The following DNAH8 variants were observed in gnomAD, a reference collection of about 807,000 sequenced individuals.
DNAH8 encodes the protein axonemal beta dynein heavy chain 8.
A neutral mutation model predicts 562.1 loss-of-function variants in DNAH8; 382 were observed. That is an observed-to-expected ratio of 0.68 (90% CI 0.63 to 0.74). DNAH8 has a LOEUF of 0.74. Ranked by LOEUF, DNAH8 falls within the 30% of genes least tolerant of loss-of-function variation. The pLI, the probability that DNAH8 is intolerant of heterozygous loss-of-function variation, is 0.00. For synonymous variants in DNAH8, 1,881 were observed against 1,919.4 expected (o/e 0.98, Z 0.52); for missense variants, 5,203 against 5,620.4 (o/e 0.93, Z 2.37).
In DNAH8 at chr6:38,917,912, T is replaced by C. The variant is rs771259805; in HGVS notation, c.10309-13T>C. 6.3e-7 allele frequency: 1 copy of C among 1,592,926 alleles called. No homozygotes were observed. Among genetic ancestry groups the C allele is most frequent in the African/African-American group, 1.3e-5 (1 of 74,288 alleles). On this transcript the variant is annotated splice_polypyrimidine_tract_variant and intron_variant, in intron 69 of 92. Transcript: ENST00000327475. ...TTCTTCCAGAACTTACAGGTTATAATACTATTTTTCAGTTGATGAGTGCAA... is the reference window on the plus strand; with the variant it reads ...TTCTTCCAGAACTTACAGGTTATAACACTATTTTTCAGTTGATGAGTGCAA...
Position 38,737,987 on chromosome 6 carries a change from A to T in DNAH8, c.1116+15A>T. 6.2e-7 allele frequency: 1 copy of T among 1,607,448 alleles called. No individual in the cohort carries two copies. Among genetic ancestry groups the T allele is most frequent in the Non-Finnish European group, 8.5e-7 (1 of 1,176,630 alleles). ...AGATCGAACAGGTGAATTGACTCAA[A>T]CAATTGCATCTGGACTAGTAGTTTT... On this transcript the variant is annotated intron_variant, in intron 7 of 92. Transcript: ENST00000327475.
At chr6:38,948,233 AG>A (rs1761593019) in intron 80 of DNAH8, among the ~76,000 whole-genome samples, 1 of 152,258 alleles carries the variant, frequency 6.6e-6, no homozygotes, top group South Asian at 2.1e-4. Context: ...GGGGTCATAG[AG>A]GAAAAAGTGT....
rs753745756 is a variant in DNAH8 at position 38,848,731 on chromosome 6, T to A, written c.5129T>A (p.Val1710Glu). ...TCAGATATAATTGAAGAGTGGCTCG[T>A]AGTACAGAACCTTTGGGTTTATCTT... ...TSSDIIEEWL[V>E]VQNLWVYLEA... Residue 1710 changes from valine (V) to glutamate (E), a missense_variant, in exon 37 of 93, where the codon GTA (valine) becomes GAA (glutamate). Physicochemically the swap from Val to Glu is moderately radical, Grantham distance 121. Around this residue, in one of 6 missense-constraint regions of DNAH8, gnomAD observed 2,176 missense variants for 2,365.1 expected, o/e 0.92. Coordinates refer to ENST00000327475, the MANE Select transcript of DNAH8 (RefSeq NM_001206927.2). The A allele has an allele frequency of 1.9e-6, 3 of 1,613,134 alleles. No individual in the cohort carries two copies. In the African/African-American group the frequency reaches 4.0e-5, roughly 22 times the overall value.
At position 38,803,323 on chromosome 6, in the gene DNAH8, C is replaced by T. The variant is rs778878961; in HGVS notation, c.3034+12C>T. ...AGGAAAACAGTCAGGTAACTTTTCTCGTTACTGTGTTTGAATTACAAGATC... is the reference window on the plus strand; with the variant it reads ...AGGAAAACAGTCAGGTAACTTTTCTTGTTACTGTGTTTGAATTACAAGATC... On this transcript the variant is annotated intron_variant, in intron 22 of 92. Transcript: ENST00000327475. The T allele has an allele frequency of 1.9e-5, 31 of 1,589,884 alleles. No individual in the cohort carries two copies. The East Asian group carries it at 2.5e-4, about 13-fold the overall frequency.
At chr6:38,750,413 G>C in intron 8 of DNAH8, 63 bp from the exon 9 acceptor site, 1 of 1,077,152 alleles carries the variant, frequency 9.3e-7, no homozygotes, top group Non-Finnish European at 1.4e-6. Context: ...AATTTCCCGA[G>C]TAAACTTTAG....
intron 13 of DNAH8, 91 bp downstream of exon 13, chr6:38,776,042 G>A: frequency 1.3e-6 from 1 of 798,798 alleles, no homozygotes; most frequent in Non-Finnish European, 2.1e-6. Context: ...CATGTAGTAA[G>A]TGTTTCTATA....
chr6:38,745,428 A>G (rs561250059), intron 8 of DNAH8, among the ~76,000 whole-genome samples: 9 of 152,260 alleles, frequency 5.9e-5, no homozygotes, highest in Admixed American at 4.6e-4. Flanking sequence ...TGTGGCTTGT[A>G]TTTTTTAAAA....
At chr6:38,731,968 G>A (rs1049380654) in intron 4 of DNAH8, among the ~76,000 whole-genome samples, 42 of 152,104 alleles carry the variant, frequency 2.8e-4, no homozygotes, top group South Asian at 4.1e-4. Context: ...CACCTGCCTC[G>A]GCCTTCCAAA....
intron 57 of DNAH8, among the ~76,000 whole-genome samples, 156 bp downstream of exon 57, chr6:38,887,160 G>A (rs1249805217): frequency 6.6e-6 from 1 of 152,176 alleles, no homozygotes; most frequent in Non-Finnish European, 1.5e-5. Context: ...ATACTAAGGT[G>A]ACCTATGCTT....
intron 21 of DNAH8, among the ~76,000 whole-genome samples, chr6:38,798,507 A>G (rs1363857455): frequency 6.6e-6 from 1 of 152,168 alleles, no homozygotes; most frequent in African/African-American, 2.4e-5. Flanking sequence ...TCAACTGTTC[A>G]TGACGTGTTA....
intron 31 of DNAH8, 63 bp downstream of exon 31, chr6:38,832,498 A>C (rs2150355097): frequency 9.5e-7 from 1 of 1,051,918 alleles, no homozygotes; most frequent in Non-Finnish European, 1.5e-6. Flanking sequence ...ATGAAATGAA[A>C]GTGATGAACC....
intron 58 of DNAH8, among the ~76,000 whole-genome samples, chr6:38,894,318 G>A (rs1018673975): frequency 2.6e-5 from 4 of 152,162 alleles, no homozygotes; most frequent in African/African-American, 7.2e-5. Flanking sequence ...ACCAACTCAC[G>A]TTCAGTTTTT....
chr6:38,748,726 C>A (rs1765166907), intron 8 of DNAH8, among the ~76,000 whole-genome samples: 1 of 148,902 alleles, frequency 6.7e-6, no homozygotes, highest in South Asian at 2.1e-4. Context: ...TGCACTCCAG[C>A]CTGGGTGACA....
chr6:38,832,625 A>G (rs946968434), intron 31 of DNAH8, among the ~76,000 whole-genome samples, 190 bp downstream of exon 31: 7 of 152,214 alleles, frequency 4.6e-5, no homozygotes, highest in Non-Finnish European at 8.8e-5. Context: ...TTCCTTGGCC[A>G]TATTGGAAAA....
chr6:38,844,054 A>C (rs1157080261), intron 35 of DNAH8, among the ~76,000 whole-genome samples: 1 of 151,810 alleles, frequency 6.6e-6, no homozygotes, highest in Non-Finnish European at 1.5e-5. Flanking sequence ...CCCCAGGTCC[A>C]CAGTTCCATT....
chr6:38,816,111 A>AG (rs1186242581), intron 26 of DNAH8, among the ~76,000 whole-genome samples: 1 of 151,796 alleles, frequency 6.6e-6, no homozygotes, highest in Non-Finnish European at 1.5e-5. Flanking sequence ...GTACATGTGC[A>AG]GGATGTGTAG....
chr6:38,775,644 G>C, intron 12 of DNAH8, 110 bp from the exon 13 acceptor site: 2 of 667,634 alleles, frequency 3.0e-6, no homozygotes, highest in Non-Finnish European at 5.1e-6. Context: ...AATTATTCTA[G>C]GCCCTGTTTA....
chr6:38,886,656 G>A, intron 56 of DNAH8, 135 bp from the exon 57 acceptor site: 1 of 720,246 alleles, frequency 1.4e-6, no homozygotes, highest in Non-Finnish European at 2.3e-6. Context: ...CCTTGAAGGT[G>A]ATCATCGACA....
At chr6:38,906,213 A>G (rs1206584370) in intron 62 of DNAH8, 41 bp from the exon 63 acceptor site, 10 of 1,404,954 alleles carry the variant, frequency 7.1e-6, no homozygotes, top group South Asian at 2.6e-5. Context: ...AGCCGACTAT[A>G]TATTTTTTAA....
Sources: gnomAD v4.1 joint callset for allele counts (sites outside exome capture counted in the v4.1 genomes callset) on GRCh38, gnomAD v4.1.1 for gene constraint, gnomAD v4.1.1 regional missense constraint, MANE v1.5 for transcripts, NCBI Gene and HGNC (gene_info 2026-07-23, HGNC 2026-07-21) for gene names.